The following ANXA2 variants were observed in gnomAD, a reference collection of about 807,000 sequenced individuals.
The protein encoded by ANXA2 is annexin A2, also known as annexin II.
In ANXA2, 28 loss-of-function variants were observed where a neutral mutation model predicts 47.3. That is an observed-to-expected ratio of 0.59 (90% CI 0.44 to 0.81). The LOEUF (loss-of-function observed/expected upper bound fraction) is 0.81, where lower values mean the gene tolerates loss of function less well. ANXA2 is among the 40% of genes least tolerant of loss of function. The pLI is 0.00. For synonymous variants in ANXA2, 172 were observed against 155.5 expected (o/e 1.11, Z -0.79); for missense variants, 384 against 414.3 (o/e 0.93, Z 0.64).
At chr15:60,370,197 A>G (rs1384781387) in intron 3 of ANXA2, among the ~76,000 whole-genome samples, 1 of 152,248 alleles carries the variant, frequency 6.6e-6, no homozygotes, top group Non-Finnish European at 1.5e-5. Context: ...TTACAAGTGA[A>G]CAGCCGTAAT....
chr15:60,355,614 G>A (rs753672307), intron 7 of ANXA2: 42 of 454,640 alleles, frequency 9.2e-5, no homozygotes, highest in Non-Finnish European at 1.5e-4. Flanking sequence ...ACAGATAGAG[G>A]CAAAGTGACC....
Position 60,352,288 on chromosome 15 carries a change from C to T in ANXA2, c.682+95G>A, listed in dbSNP as rs991069705. 1.3e-6 allele frequency: 1 copy of T among 784,848 alleles called. No homozygotes were observed. Among genetic ancestry groups the T allele is most frequent in the South Asian group, 1.7e-5 (1 of 58,850 alleles). The allele number at this position is 784,848 out of a possible 1,614,324, so 48.6% of individuals were successfully genotyped here. A position where few individuals can be genotyped will look rare whatever the true frequency, so the allele number is the denominator to read the frequency against. ...ATGAGAGTGCCAAGCGGAGACAGAA[C>T]CTCATTCTGGCAGACTCCATCCCAA... On this transcript the variant is annotated intron_variant, in intron 9 of 12. Coordinates refer to ENST00000451270, the MANE Select transcript of ANXA2 (RefSeq NM_004039.3). This position sits in a 1 kb window ranked among gnomAD's most constrained non-coding sequence, Gnocchi z 4.2.
At chr15:60,347,811 G>A in intron 12 of ANXA2, 122 bp from the exon 13 acceptor site, 3 of 867,752 alleles carry the variant, frequency 3.5e-6, no homozygotes, top group Non-Finnish European at 5.5e-6. Flanking sequence ...AGACTCTGCA[G>A]GAGACCTGCC....
At chr15:60,365,839 T>G (rs1426385591) in intron 3 of ANXA2, among the ~76,000 whole-genome samples, 1 of 78,426 alleles carries the variant, frequency 1.3e-5, no homozygotes, top group African/African-American at 6.2e-5. Flanking sequence ...TCCCTCTCCC[T>G]CTCCCTCTCC....
chr15:60,351,023 G>T (rs572803521), intron 11 of ANXA2, among the ~76,000 whole-genome samples, 170 bp downstream of exon 11: 144 of 152,338 alleles, frequency 9.5e-4, no homozygotes, highest in Non-Finnish European at 1.7e-3. Context: ...AAAGAAGACA[G>T]ATTTGTGGTT....
At chr15:60,396,220 A>G (rs2063078500) in intron 1 of ANXA2, 1 of 152,200 alleles carries the variant, frequency 6.6e-6, no homozygotes. Context: ...CACGCCCAGT[A>G]TCGTTGTTTT....
At chr15:60,355,760 T>A (rs550591206) in intron 7 of ANXA2, 159 bp downstream of exon 7, 6 of 719,846 alleles carry the variant, frequency 8.3e-6, no homozygotes, top group Non-Finnish European at 1.3e-5. Context: ...TATACAAAAT[T>A]GACAACTCTG....
At chr15:60,375,933 C>T (rs2062770176) in intron 3 of ANXA2, among the ~76,000 whole-genome samples, 1 of 152,138 alleles carries the variant, frequency 6.6e-6, no homozygotes, top group South Asian at 2.1e-4. Flanking sequence ...TAAATGGGAA[C>T]TGCGCAGATG....
chr15:60,368,466 C>T (rs1290035934), intron 3 of ANXA2, among the ~76,000 whole-genome samples: 1 of 151,474 alleles, frequency 6.6e-6, no homozygotes, highest in Non-Finnish European at 1.5e-5. Flanking sequence ...ATTAAATGTT[C>T]TTTTTTCCAT....
intron 3 of ANXA2, among the ~76,000 whole-genome samples, chr15:60,373,407 C>G (rs2062735948): frequency 6.6e-6 from 1 of 152,200 alleles, no homozygotes; most frequent in South Asian, 2.1e-4. Flanking sequence ...AGTCATCCAT[C>G]TAGTGAGAGA....
chr15:60,377,921 C>G (rs1355833059), intron 3 of ANXA2, among the ~76,000 whole-genome samples: 2 of 152,002 alleles, frequency 1.3e-5, no homozygotes, highest in African/African-American at 2.4e-5. Context: ...AACCCTGTCT[C>G]TACTAAAAAT....
intron 1 of ANXA2, among the ~76,000 whole-genome samples, chr15:60,391,857 A>T (rs908508197): frequency 1.3e-5 from 2 of 151,114 alleles, no homozygotes; most frequent in African/African-American, 4.9e-5. Flanking sequence ...CAACACTTCA[A>T]CCTCACCCAG....
At chr15:60,355,856 A>C in intron 7 of ANXA2, 63 bp downstream of exon 7, 3 of 1,319,014 alleles carry the variant, frequency 2.3e-6, no homozygotes, top group Non-Finnish European at 2.2e-6. Flanking sequence ...TCCAAGTATA[A>C]AATGAGGTAT....
chr15:60,354,486 C>T (rs1324179296), intron 7 of ANXA2, among the ~76,000 whole-genome samples: 3 of 151,898 alleles, frequency 2.0e-5, no homozygotes, highest in Non-Finnish European at 4.4e-5. Flanking sequence ...CTAAATTAGC[C>T]AGGCGTGGTG....
In ANXA2 at chr15:60,348,993, T is replaced by C; in HGVS notation, c.960+82A>G. The C allele has an allele frequency of 1.9e-6, 3 of 1,550,758 alleles. No individual in the cohort carries two copies. In the South Asian group the frequency reaches 3.4e-5, roughly 18 times the overall value. On this transcript the variant is annotated intron_variant, in intron 12 of 12. Coordinates refer to ENST00000451270, the MANE Select transcript of ANXA2 (RefSeq NM_004039.3). ...GTCAGAAAACAGAAAATCGCCACTCTGTCATCATTCTGCCAGGCCACCTGC... is the reference window on the plus strand; with the variant it reads ...GTCAGAAAACAGAAAATCGCCACTCCGTCATCATTCTGCCAGGCCACCTGC...
chr15:60,373,626 A>G (rs539077077), intron 3 of ANXA2, among the ~76,000 whole-genome samples: 1 of 152,332 alleles, frequency 6.6e-6, no homozygotes, highest in African/African-American at 2.4e-5. Context: ...CTGGATAAGT[A>G]GCAGCCACAA....
At chr15:60,366,176 A>G (rs1044366773) in intron 3 of ANXA2, among the ~76,000 whole-genome samples, 2 of 143,646 alleles carry the variant, frequency 1.4e-5, no homozygotes, top group African/African-American at 2.6e-5. Context: ...GCTGGAGTGC[A>G]GTGGCGTGAT....
At chr15:60,378,957 T>A (rs1273853487) in intron 3 of ANXA2, among the ~76,000 whole-genome samples, 1 of 148,964 alleles carries the variant, frequency 6.7e-6, no homozygotes, top group East Asian at 2.0e-4. Context: ...ACAGCAAGAC[T>A]CTGTCTTACA....
At chr15:60,348,992 C>T in intron 12 of ANXA2, 83 bp downstream of exon 12, 1 of 1,546,356 alleles carries the variant, frequency 6.5e-7, no homozygotes, top group Non-Finnish European at 8.9e-7. Context: ...AATCGCCACT[C>T]TGTCATCATT....
Sources: gnomAD v4.1 joint callset for allele counts (sites outside exome capture counted in the v4.1 genomes callset) on GRCh38, gnomAD v4.1.1 for gene constraint, Gnocchi (gnomAD v3.1) non-coding constraint, MANE v1.5 for transcripts, NCBI Gene and HGNC (gene_info 2026-07-23, HGNC 2026-07-21) for gene names.